YPEL1: variants seen among roughly 807,000 people sequenced by gnomAD.
YPEL1 encodes the protein yippee like 1, also known as protein yippee-like 1.
YPEL1 carries 7 observed loss-of-function variants against 17.3 expected under a neutral mutation model. That is an observed-to-expected ratio of 0.40 (90% CI 0.23 to 0.76). The LOEUF is 0.76. Ranked by LOEUF, YPEL1 falls within the 30% of genes least tolerant of loss-of-function variation. The pLI is 0.35. For synonymous variants in YPEL1, 59 were observed against 59.6 expected (o/e 0.99, Z 0.05); for missense variants, 91 against 155.5 (o/e 0.59, Z 2.21).
At chr22:21,731,341 AAAG>A (rs1289387872) in intron 1 of YPEL1, among the ~76,000 whole-genome samples, 1 of 151,978 alleles carries the variant, frequency 6.6e-6, no homozygotes, top group African/African-American at 2.4e-5. Flanking sequence ...CAAAAAAAAA[AAAG>A]AAAGAAAAGG....
chr22:21,709,857 G>A (rs1257463491), intron 2 of YPEL1, among the ~76,000 whole-genome samples: 1 of 150,698 alleles, frequency 6.6e-6, no homozygotes, highest in African/African-American at 2.4e-5. Flanking sequence ...GCATGGGGGA[G>A]GTCATGACCT....
At chr22:21,725,790 C>T (rs1327933813) in intron 1 of YPEL1, among the ~76,000 whole-genome samples, 1 of 149,586 alleles carries the variant, frequency 6.7e-6, no homozygotes, top group African/African-American at 2.5e-5. Flanking sequence ...CCCAGGAGTT[C>T]GAGACCAGCC....
At chr22:21,717,928 A>G (rs539202725) in intron 1 of YPEL1, among the ~76,000 whole-genome samples, 1 of 150,680 alleles carries the variant, frequency 6.6e-6, no homozygotes, top group South Asian at 2.1e-4. Context: ...GGAGTTTGAG[A>G]CCAGCCTGTG....
chr22:21,731,939 A>C (rs909919914), intron 1 of YPEL1, among the ~76,000 whole-genome samples: 4 of 152,194 alleles, frequency 2.6e-5, no homozygotes, highest in Non-Finnish European at 5.9e-5. Context: ...TCACTGTTAC[A>C]GGACGGCAGG....
intron 1 of YPEL1, among the ~76,000 whole-genome samples, chr22:21,712,828 C>G (rs1311474563): frequency 6.7e-6 from 1 of 148,966 alleles, no homozygotes; most frequent in African/African-American, 2.5e-5. Flanking sequence ...CAAAAAGAAA[C>G]ACAATCTGAT....
At chr22:21,731,963 C>G (rs922749983) in intron 1 of YPEL1, among the ~76,000 whole-genome samples, 1 of 152,180 alleles carries the variant, frequency 6.6e-6, no homozygotes, top group Non-Finnish European at 1.5e-5. Context: ...TCAGCAAGCA[C>G]CTCACAAGCC....
chr22:21,717,837 G>A (rs972670334), intron 1 of YPEL1, among the ~76,000 whole-genome samples: 1 of 152,184 alleles, frequency 6.6e-6, no homozygotes, highest in African/African-American at 2.4e-5. Context: ...TTCAAGAAGT[G>A]GGGCAAAGGC....
intron 1 of YPEL1, among the ~76,000 whole-genome samples, chr22:21,734,268 G>A (rs187187535): frequency 6.6e-6 from 1 of 152,114 alleles, no homozygotes; most frequent in Non-Finnish European, 1.5e-5. Context: ...GTGATTCAAA[G>A]GTGAAAAGGC....
chr22:21,735,719 T>A lies in YPEL1; in HGVS notation c.-269A>T, dbSNP rs1157891401. ...GTTCCCGGCGCGGCCCGGGACGCGC[T>A]GAGGCCGTTAACGCCTAGGCAGGGC... On this transcript the variant is annotated 5_prime_UTR_variant, in exon 1 of 5. Transcript: ENST00000339468. 1.3e-5 allele frequency: 2 copies of A among 150,494 alleles called. No homozygotes were observed. Among genetic ancestry groups the A allele is most frequent in the Non-Finnish European group, 3.0e-5 (2 of 67,542 alleles). 9.3% of individuals were successfully genotyped at this position (150,494 alleles called of 1,614,324 possible).
intron 1 of YPEL1, among the ~76,000 whole-genome samples, chr22:21,729,686 C>G (rs2068369567): frequency 6.6e-6 from 1 of 152,220 alleles, no homozygotes; most frequent in Non-Finnish European, 1.5e-5. Context: ...TGGCAACACC[C>G]ACAACATTCC....
At position 21,701,221 on chromosome 22, in the gene YPEL1, T is replaced by C; in HGVS notation, c.271-3A>G. ...TGACTGCTCTCAAAGGCATGCTCCT[T>C]GAAAAAGAAGAGACAAAGGTTTCAG... is the stretch of plus-strand genomic sequence containing the variant. On this transcript the variant is annotated splice_polypyrimidine_tract_variant and splice_region_variant and intron_variant, in intron 4 of 4. Transcript: ENST00000339468. 2.5e-6 allele frequency: 4 copies of C among 1,611,804 alleles called. No individual in the cohort carries two copies. The highest frequency in any genetic ancestry group is 2.5e-6 in the Non-Finnish European group (3 of 1,178,370).
At position 21,703,498 on chromosome 22, in the gene YPEL1, A is replaced by G. The variant is rs577315906; in HGVS notation, c.162-20T>C. ...TTCACCCTGCGGGGACAGAGGGGCCACTGCGCTGCAGGCCCGGCCCGCCCC... is the reference window on the plus strand; with the variant it reads ...TTCACCCTGCGGGGACAGAGGGGCCGCTGCGCTGCAGGCCCGGCCCGCCCC... On this transcript the variant is annotated intron_variant, in intron 3 of 4. Coordinates refer to ENST00000339468, the MANE Select transcript of YPEL1 (RefSeq NM_013313.5). The surrounding 1 kb of genome is among the most constrained non-coding windows in gnomAD (Gnocchi z 6.1). The G allele has an allele frequency of 1.0e-4, 161 of 1,597,492 alleles. 3 individuals are homozygous for G. In the South Asian group the frequency reaches 1.5e-3, roughly 14 times the overall value.
At chr22:21,720,349 C>T (rs1240303737) in intron 1 of YPEL1, among the ~76,000 whole-genome samples, 1 of 151,858 alleles carries the variant, frequency 6.6e-6, no homozygotes, top group African/African-American at 2.4e-5. Context: ...ACACTACAGG[C>T]CCATGCCACC....
intron 2 of YPEL1, among the ~76,000 whole-genome samples, chr22:21,705,644 C>G (rs1253275233): frequency 6.6e-6 from 1 of 152,140 alleles, no homozygotes; most frequent in East Asian, 1.9e-4. Context: ...CTGTAAACAA[C>G]AAACCAGCTT....
intron 1 of YPEL1, among the ~76,000 whole-genome samples, chr22:21,723,690 A>ATT (rs11413513): frequency 0.11 from 16,458 of 144,666 alleles, 1,142 homozygotes; most frequent in South Asian, 0.17. Context: ...ATTTTAATTA[A>ATT]TTTTTTTTTT....
Position 21,722,293 on chromosome 22 carries a change from G to A in YPEL1, c.-164-11385C>T, listed in dbSNP as rs571400014. ...TAGCCAGATGTGGTGGCACGTGCCT[G>A]TAGTCCCAGCTACTTGGGAGGCTGA... On this transcript the variant is annotated intron_variant, in intron 1 of 4. Transcript: ENST00000339468. Among the ~76,000 whole-genome samples, 7 of 152,332 alleles carry A rather than the reference G, an allele frequency of 4.6e-5. No homozygotes were observed. In the South Asian group the frequency reaches 8.3e-4, roughly 18 times the overall value.
chr22:21,726,385 G>A, intron 1 of YPEL1, among the ~76,000 whole-genome samples: 1 of 152,180 alleles, frequency 6.6e-6, no homozygotes, highest in East Asian at 1.9e-4. Context: ...CAAATTCTCA[G>A]GCCGTTGAAT....
intron 1 of YPEL1, among the ~76,000 whole-genome samples, chr22:21,718,307 C>CA (rs1220679348): frequency 4.0e-5 from 6 of 150,878 alleles, no homozygotes; most frequent in Non-Finnish European, 5.9e-5. Context: ...ACTAAAAATA[C>CA]AAAAAAAATT....
intron 1 of YPEL1, among the ~76,000 whole-genome samples, chr22:21,728,056 G>T (rs1037714472): frequency 2.6e-5 from 4 of 152,186 alleles, no homozygotes; most frequent in African/African-American, 9.7e-5. Flanking sequence ...GGGAGAGCGG[G>T]GAAGGAACAG....
Sources: gnomAD v4.1 joint callset for allele counts (sites outside exome capture counted in the v4.1 genomes callset) on GRCh38, gnomAD v4.1.1 for gene constraint, Gnocchi (gnomAD v3.1) non-coding constraint, MANE v1.5 for transcripts, NCBI Gene and HGNC (gene_info 2026-07-23, HGNC 2026-07-21) for gene names.